C3orf38: variants seen among roughly 807,000 people sequenced by gnomAD.
C3orf38 encodes the protein uncharacterized protein C3orf38.
A neutral mutation model predicts 28.3 loss-of-function variants in C3orf38; 18 were observed. That is an observed-to-expected ratio of 0.64 (90% confidence interval 0.44 to 0.94). The LOEUF (loss-of-function observed/expected upper bound fraction) is 0.94, where lower values mean the gene tolerates loss of function less well. Among genes scored for constraint, C3orf38 ranks in the 40% least tolerant of loss-of-function variants. The pLI is 0.00. For synonymous variants in C3orf38, 145 were observed against 138.1 expected, an observed-to-expected ratio of 1.05 and a Z score of -0.35; for missense variants, 364 against 396.4, an observed-to-expected ratio of 0.92 and a Z score of 0.69.
chr3:88,156,786 A>T lies in C3orf38; in HGVS notation c.*151A>T, dbSNP rs531493812. 1.9e-3 allele frequency: 1,563 copies of T among 823,620 alleles called. No homozygotes were observed. Among genetic ancestry groups the T allele is most frequent in the Non-Finnish European group, 2.6e-3 (1,397 of 544,500 alleles). The allele number at this position is 823,620 out of a possible 1,614,324, so 51.0% of individuals were successfully genotyped here. A position where few individuals can be genotyped will look rare whatever the true frequency, so the allele number is the denominator to read the frequency against. Reference sequence around the variant, plus strand: ...ATGTCTGAATGATTTCAGATGTGAAAATTGACATATTTTAGTTGAAATACC... The same window carrying T: ...ATGTCTGAATGATTTCAGATGTGAATATTGACATATTTTAGTTGAAATACC... On this transcript the variant is annotated 3_prime_UTR_variant, in exon 3 of 3. Transcript: ENST00000318887.
At chr3:88,153,889 A>T (rs1320551338) in intron 2 of C3orf38, among the ~76,000 whole-genome samples, 1 of 152,124 alleles carries the variant, frequency 6.6e-6, no homozygotes, top group East Asian at 1.9e-4. Context: ...TATAATTTTA[A>T]CTTTATTTCA....
rs1406422488 is a variant in C3orf38, at chr3:88,149,979, CTG to C, written c.-72_-71del. On this transcript the variant is annotated 5_prime_UTR_variant, in exon 1 of 3. Coordinates refer to ENST00000318887, the MANE Select transcript of C3orf38 (RefSeq NM_173824.4). The stretch of plus-strand genomic sequence containing the variant: ...ACAACAAGAAAGGCACTTCCGGTGT[CTG>C]TTGCCAGGCGCGGGCCCAGTGGGCC... 5 of 1,588,986 alleles carry C rather than the reference CTG, an allele frequency of 3.1e-6. No individual in the cohort carries two copies. The highest frequency in any genetic ancestry group is 4.3e-6 in the Non-Finnish European group (5 of 1,159,718).
In C3orf38 at chr3:88,156,117, C is replaced by T. The variant is rs1306138529; in HGVS notation, c.472C>T (p.Pro158Ser). ...WFFGLLNSQNPFLGPPQDEWG... is the reference protein window; with the variant it reads ...WFFGLLNSQNSFLGPPQDEWG... ...CTTTGGACTTCTTAATTCTCAGAAT[C>T]CTTTTCTAGGACCACCTCAAGATGA... Residue 158 changes from proline (P) to serine (S), a missense_variant, in exon 3 of 3, where the codon CCT (proline) becomes TCT (serine). Physicochemically the swap from Pro to Ser is moderately conservative, Grantham distance 74. Transcript: ENST00000318887. The T allele has an allele frequency of 1.2e-6, 2 of 1,610,190 alleles. No individual in the cohort carries two copies. Among genetic ancestry groups the T allele is most frequent in the Non-Finnish European group, 1.7e-6 (2 of 1,178,714 alleles).
At position 88,156,715 on chromosome 3, in the gene C3orf38, GA is replaced by G. The variant is rs1344127485; in HGVS notation, c.*87del. ...CTAAAGCGCTAAGTACTGTCAGCCT[GA>G]AAAAAATCTTCTATACAGAAACTCT... On this transcript the variant is annotated 3_prime_UTR_variant, in exon 3 of 3. Coordinates refer to ENST00000318887, the MANE Select transcript of C3orf38 (RefSeq NM_173824.4). 1 of 1,423,224 alleles carries G rather than the reference GA, an allele frequency of 7.0e-7. No individual in the cohort carries two copies. Among genetic ancestry groups the G allele is most frequent in the Non-Finnish European group, 9.5e-7 (1 of 1,054,554 alleles). 88.2% of individuals were successfully genotyped at this position (1,423,224 alleles called of 1,614,324 possible). A position where few individuals can be genotyped will look rare whatever the true frequency, so the allele number is the denominator to read the frequency against.
chr3:88,153,566 G>C, intron 2 of C3orf38, 95 bp downstream of exon 2: 2 of 1,410,012 alleles, frequency 1.4e-6, no homozygotes, highest in Non-Finnish European at 1.9e-6. Flanking sequence ...AATAATGTTT[G>C]TGGGGTTTTT....
At chr3:88,154,264 A>G (rs1707452261) in intron 2 of C3orf38, among the ~76,000 whole-genome samples, 1 of 152,198 alleles carries the variant, frequency 6.6e-6, no homozygotes, top group East Asian at 1.9e-4. Context: ...AACATGTGCC[A>G]TGGTGGTTTG....
chr3:88,156,656 G>A lies in C3orf38; in HGVS notation c.*21G>A, dbSNP rs192135826. The A allele has an allele frequency of 1.3e-6, 2 of 1,597,540 alleles. No homozygotes were observed. The highest frequency in any genetic ancestry group is 4.5e-5 in the East Asian group (2 of 44,728). ...TTTGAGGTAGTGGAAATGAGACATT[G>A]CTGAACAAAAGAGAACTGGGTTTAC... On this transcript the variant is annotated 3_prime_UTR_variant, in exon 3 of 3. Transcript: ENST00000318887.
At chr3:88,153,208 A>T in intron 1 of C3orf38, 22 bp from the exon 2 acceptor site, 1 of 1,593,134 alleles carries the variant, frequency 6.3e-7, no homozygotes, top group Admixed American at 1.8e-5. Flanking sequence ...ATTTTTTATT[A>T]ATCTTTGCAA....
chr3:88,153,208 A>G (rs1707438595), intron 1 of C3orf38, 22 bp from the exon 2 acceptor site: 2 of 1,593,016 alleles, frequency 1.3e-6, no homozygotes, highest in African/African-American at 1.4e-5. Flanking sequence ...ATTTTTTATT[A>G]ATCTTTGCAA....
At chr3:88,151,964 C>T (rs1237787448) in intron 1 of C3orf38, among the ~76,000 whole-genome samples, 3 of 151,976 alleles carry the variant, frequency 2.0e-5, no homozygotes, top group Non-Finnish European at 2.9e-5. Context: ...GAGGTGGATG[C>T]GAATAAAGAG....
At position 88,150,163 on chromosome 3, in the gene C3orf38, G is replaced by A. The variant is rs536588844; in HGVS notation, c.111G>A (p.Leu37=). 3.7e-6 allele frequency: 6 copies of A among 1,614,130 alleles called. No individual in the cohort carries two copies. Among genetic ancestry groups the A allele is most frequent in the African/African-American group, 2.7e-5 (2 of 75,052 alleles). The change falls in exon 1 of 3, where the codon CTG becomes CTA. Residue 37 remains leucine (L), a synonymous_variant. Transcript: ENST00000318887. Reference sequence around the variant, plus strand: ...TATGCGACACTGTCACCAACCGCCTGGTGCAGCCTCAGGACCGCCAAGGTA... The same window carrying A: ...TATGCGACACTGTCACCAACCGCCTAGTGCAGCCTCAGGACCGCCAAGGTA... The part of the protein sequence containing the change: ...MALCDTVTNR[L]VQPQDRQDAV...
Position 88,156,575 on chromosome 3 carries a change from C to T in C3orf38, c.930C>T (p.Thr310=). Residue 310 remains threonine, a synonymous_variant, in exon 3 of 3, where the codon ACC becomes ACT. Coordinates refer to ENST00000318887, the MANE Select transcript of C3orf38 (RefSeq NM_173824.4). ...ATAATGTAATCACTGTATGTGGTAC[C>T]AATGAAGTACGACATAATGTAAAGC... ...AFYNVITVCG[T]NEVRHNVKQA... is the part of the protein sequence containing the mutation. 6.2e-7 allele frequency: 1 copy of T among 1,613,392 alleles called. No homozygotes were observed. Among genetic ancestry groups the T allele is most frequent in the Non-Finnish European group, 8.5e-7 (1 of 1,179,740 alleles).
chr3:88,157,151 A>G lies in C3orf38; in HGVS notation c.*516A>G, dbSNP rs1434106338. The G allele has an allele frequency of 1.3e-5, 2 of 152,268 alleles. No individual in the cohort carries two copies. Among genetic ancestry groups the G allele is most frequent in the African/African-American group, 4.8e-5 (2 of 41,468 alleles). 9.4% of individuals were successfully genotyped at this position (152,268 alleles called of 1,614,324 possible). On this transcript the variant is annotated 3_prime_UTR_variant, in exon 3 of 3. Coordinates refer to ENST00000318887, the MANE Select transcript of C3orf38 (RefSeq NM_173824.4). ...TTTAGAGATGTTTAACGTAAACTCA[A>G]AGTTCTCATTTTAGAAAATTTAAAT...
At position 88,156,444 on chromosome 3, in the gene C3orf38, A is replaced by G. The variant is rs749971592; in HGVS notation, c.799A>G (p.Lys267Glu). 5 of 1,614,100 alleles carry G rather than the reference A, an allele frequency of 3.1e-6. No homozygotes were observed. The Admixed American group carries it at 8.3e-5, about 27-fold the overall frequency. The change falls in exon 3 of 3, where the codon AAA (lysine) becomes GAA (glutamate). Residue 267 changes from lysine to glutamate, a missense_variant. Lys to Glu is a moderately conservative substitution (Grantham distance 56). Coordinates refer to ENST00000318887, the MANE Select transcript of C3orf38 (RefSeq NM_173824.4). ...CTGCCCTTTTGTGGAGAATACTTGG[A>G]AAATCAAATTTATCAACCTGAAAAT... ...IRCPFVENTW[K>E]IKFINLKIMG...
In C3orf38 at chr3:88,150,164, G is replaced by C; in HGVS notation, c.112G>C (p.Val38Leu). The C allele has an allele frequency of 6.2e-7, 1 of 1,614,114 alleles. No individual in the cohort carries two copies. Among genetic ancestry groups the C allele is most frequent in the Non-Finnish European group, 8.5e-7 (1 of 1,180,020 alleles). The change falls in exon 1 of 3, where the codon GTG becomes CTG. Residue 38 changes from valine to leucine, a missense_variant. Physicochemically the swap from Val to Leu is conservative, Grantham distance 32 (BLOSUM62 1). Coordinates refer to ENST00000318887, the MANE Select transcript of C3orf38 (RefSeq NM_173824.4). ...ALCDTVTNRL[V>L]QPQDRQDAVH... ...ATGCGACACTGTCACCAACCGCCTG[G>C]TGCAGCCTCAGGACCGCCAAGGTAA...
chr3:88,151,940 A>T (rs1027050875), intron 1 of C3orf38, among the ~76,000 whole-genome samples: 2 of 152,198 alleles, frequency 1.3e-5, no homozygotes, highest in Non-Finnish European at 2.9e-5. Flanking sequence ...AACATTTAGG[A>T]TAGTAGCTAC....
intron 2 of C3orf38, among the ~76,000 whole-genome samples, chr3:88,155,500 G>A (rs139980849): frequency 0.013 from 1,835 of 146,618 alleles, 33 homozygotes; most frequent in African/African-American, 0.043. Context: ...GCTCTGTTGC[G>A]CGGGCTGGAG....
intron 2 of C3orf38, among the ~76,000 whole-genome samples, 161 bp from the exon 3 acceptor site, chr3:88,155,860 A>G (rs1707472571): frequency 1.3e-5 from 2 of 152,222 alleles, no homozygotes; most frequent in Non-Finnish European, 2.9e-5. Context: ...CTCCTCTTGA[A>G]AAAAGATTTT....
Position 88,153,253 on chromosome 3 carries a change from T to G in C3orf38, c.157T>G (p.Tyr53Asp). The G allele has an allele frequency of 1.2e-6, 2 of 1,613,212 alleles. No homozygotes were observed. Among genetic ancestry groups the G allele is most frequent in the Non-Finnish European group, 1.7e-6 (2 of 1,179,746 alleles). ...RQDAVHAILA[Y>D]SQSAEELLRR... Reference sequence around the variant, plus strand: ...AGATGCTGTTCATGCAATATTAGCATACAGTCAAAGTGCAGAAGAACTTCT... The same window carrying G: ...AGATGCTGTTCATGCAATATTAGCAGACAGTCAAAGTGCAGAAGAACTTCT... Residue 53 changes from tyrosine to aspartate, a missense_variant, in exon 2 of 3, where the codon TAC becomes GAC. Tyr to Asp is a radical substitution (Grantham distance 160). Coordinates refer to ENST00000318887, the MANE Select transcript of C3orf38 (RefSeq NM_173824.4).
Sources: gnomAD v4.1 joint callset for allele counts (sites outside exome capture counted in the v4.1 genomes callset) on GRCh38, gnomAD v4.1.1 for gene constraint, MANE v1.5 for transcripts, NCBI Gene and HGNC (gene_info 2026-07-23, HGNC 2026-07-21) for gene names.